The following CEP70 variants were observed in gnomAD, a reference collection of about 807,000 sequenced individuals.
CEP70 encodes centrosomal protein of 70 kDa.
Under a neutral mutation model 90.9 loss-of-function variants are expected in CEP70, and 70 were observed. The observed-to-expected ratio is 0.77, with a 90% CI of 0.64 to 0.94. The LOEUF (loss-of-function observed/expected upper bound fraction) is 0.94. Ranked by LOEUF, CEP70 falls within the 40% of genes least tolerant of loss-of-function variation. CEP70 has a pLI of 0.00. For missense variants in CEP70, 648 were observed against 669.0 expected (o/e 0.97, Z 0.35); for synonymous variants, 220 against 228.3 (o/e 0.96, Z 0.33).
intron 6 of CEP70, among the ~76,000 whole-genome samples, chr3:138,569,361 AC>A (rs2041008720): frequency 6.6e-6 from 1 of 152,206 alleles, no homozygotes; most frequent in African/African-American, 2.4e-5. Flanking sequence ...CAGCAAAACC[AC>A]TAAAATAAGG....
intron 6 of CEP70, among the ~76,000 whole-genome samples, chr3:138,548,121 G>T (rs2039354361): frequency 6.6e-6 from 1 of 152,080 alleles, no homozygotes; most frequent in Admixed American, 6.6e-5. Flanking sequence ...CAAAAATCCT[G>T]AACAAAATAT....
intron 10 of CEP70, 59 bp from the exon 11 acceptor site, chr3:138,525,623 C>G (rs943107450): frequency 2.6e-6 from 2 of 771,276 alleles, no homozygotes; most frequent in Non-Finnish European, 3.9e-6. Flanking sequence ...CATAAAGGTA[C>G]TTAAATATTA....
At chr3:138,510,475 G>A (rs943193649) in intron 11 of CEP70, among the ~76,000 whole-genome samples, 1 of 151,644 alleles carries the variant, frequency 6.6e-6, no homozygotes, top group African/African-American at 2.4e-5. Flanking sequence ...ATGGCATGGA[G>A]AGTTTTGAAT....
chr3:138,551,755 A>AT (rs2039635455), intron 6 of CEP70, among the ~76,000 whole-genome samples: 1 of 137,602 alleles, frequency 7.3e-6, no homozygotes, highest in Non-Finnish European at 1.6e-5. Flanking sequence ...TAAAAAAAAA[A>AT]AAATAAAATA....
rs1011089963 is a variant in CEP70, at chr3:138,530,679, T to C, written c.693-1217A>G. ...CTCCTCTGCTTCCTGTTTATCCTAC[T>C]TAGGCCTCCAAATCTTGGCCTGGCT... is the stretch of plus-strand genomic sequence containing the variant. On this transcript the variant is annotated intron_variant, in intron 8 of 17. Transcript: ENST00000264982. 7.1e-6 allele frequency: 7 copies of C among 985,292 alleles called. No homozygotes were observed. The East Asian group carries it at 6.8e-4, about 96-fold the overall frequency. The allele number at this position is 985,292 out of a possible 1,614,324, so 61.0% of individuals were successfully genotyped here. A position where few individuals can be genotyped will look rare whatever the true frequency, so the allele number is the denominator to read the frequency against.
At chr3:138,561,997 C>T (rs1237096433) in intron 6 of CEP70, among the ~76,000 whole-genome samples, 1 of 146,086 alleles carries the variant, frequency 6.8e-6, no homozygotes, top group African/African-American at 2.5e-5. Flanking sequence ...CACTCTGGCC[C>T]GGGCGACAAT....
chr3:138,525,842 A>G lies in CEP70; in HGVS notation c.870-278T>C, dbSNP rs116467036. 4.7e-3 allele frequency among the ~76,000 whole-genome samples: 722 copies of G among 152,318 alleles called. 4 individuals are homozygous for G. Among genetic ancestry groups the G allele is most frequent in the African/African-American group, 0.017 (695 of 41,568 alleles). On this transcript the variant is annotated intron_variant, in intron 10 of 17. Transcript: ENST00000264982. ...AAGTATACAGACAAAAACAGAGAACATTATAACAAATCCTGGTGTATCCAC... is the reference window on the plus strand; with the variant it reads ...AAGTATACAGACAAAAACAGAGAACGTTATAACAAATCCTGGTGTATCCAC...
chr3:138,497,184 G>T, intron 17 of CEP70: 1 of 1,191,202 alleles, frequency 8.4e-7, no homozygotes, highest in South Asian at 1.7e-5. Flanking sequence ...CATAAGACTG[G>T]TCACAAAACT....
chr3:138,498,248 C>A, intron 16 of CEP70, 138 bp from the exon 17 acceptor site: 1 of 574,628 alleles, frequency 1.7e-6, no homozygotes, highest in Non-Finnish European at 2.9e-6. Context: ...ACAGTCTTTT[C>A]TTTCTGAGCT....
At chr3:138,564,783 G>A (rs541373226) in intron 6 of CEP70, among the ~76,000 whole-genome samples, 42 of 152,188 alleles carry the variant, frequency 2.8e-4, no homozygotes, top group African/African-American at 9.2e-4. Context: ...TTGAAAACCA[G>A]CACAAAACAA....
At chr3:138,572,133 T>C (rs2041219746) in intron 3 of CEP70, among the ~76,000 whole-genome samples, 1 of 152,178 alleles carries the variant, frequency 6.6e-6, no homozygotes, top group South Asian at 2.1e-4. Context: ...CATACCTGAC[T>C]AGTTGGAGCC....
Position 138,572,909 on chromosome 3 carries a change from T to C in CEP70, c.19A>G (p.Lys7Glu). MFPVAP[K>E]PQDSSQPSDR... The stretch of plus-strand genomic sequence containing the variant: ...GATGGTTGACTGGAATCCTGGGGTT[T>C]AGGGGCTACCGGAAACATAGTTACT... The change falls in exon 3 of 18, where the codon AAA becomes GAA. Residue 7 changes from lysine to glutamate, a missense_variant. Transcript: ENST00000264982. The C allele has an allele frequency of 6.2e-7, 1 of 1,611,552 alleles. No homozygotes were observed. Among genetic ancestry groups the C allele is most frequent in the South Asian group, 1.1e-5 (1 of 90,522 alleles).
At chr3:138,523,140 T>G (rs1178586231) in intron 11 of CEP70, among the ~76,000 whole-genome samples, 1 of 151,536 alleles carries the variant, frequency 6.6e-6, no homozygotes, top group Admixed American at 6.5e-5. Flanking sequence ...ATTATCTCAA[T>G]AGATGCAGAA....
intron 12 of CEP70, among the ~76,000 whole-genome samples, chr3:138,506,801 G>T (rs908144088): frequency 2.0e-5 from 3 of 152,160 alleles, no homozygotes; most frequent in Admixed American, 6.5e-5. Context: ...GAGTGCAGTG[G>T]TGTGAACGGA....
chr3:138,496,950 AATGATGAGAAC>A, intron 17 of CEP70: 2 of 986,672 alleles, frequency 2.0e-6, no homozygotes, highest in Non-Finnish European at 2.4e-6. Context: ...AATATTTATG[AATGATGAGAAC>A]ATCACTGCTT....
intron 6 of CEP70, among the ~76,000 whole-genome samples, chr3:138,546,383 A>G (rs373178418): frequency 1.3e-5 from 2 of 152,230 alleles, no homozygotes; most frequent in African/African-American, 4.8e-5. Flanking sequence ...CATCAGCAAG[A>G]TATCACTTGC....
Position 138,571,321 on chromosome 3 carries a change from T to C in CEP70, c.105A>G (p.Leu35=), listed in dbSNP as rs201605997. Residue 35 remains leucine, a synonymous_variant, in exon 4 of 18, where the codon CTA becomes CTG. Coordinates refer to ENST00000264982, the MANE Select transcript of CEP70 (RefSeq NM_024491.4). The stretch of plus-strand genomic sequence containing the variant: ...AAGGTTTTAAGCCATGCATCATCAA[T>C]AGCACATTTATGCTTTCCCATTCTG... The part of the protein sequence containing the change: ...EEAEWESINV[L]LMMHGLKPLS... 6 of 1,611,324 alleles carry C rather than the reference T, an allele frequency of 3.7e-6. No homozygotes were observed. Among genetic ancestry groups the C allele is most frequent in the Admixed American group, 1.7e-5 (1 of 59,940 alleles).
At chr3:138,532,873 G>C (rs896286720) in intron 7 of CEP70, among the ~76,000 whole-genome samples, 1 of 152,176 alleles carries the variant, frequency 6.6e-6, no homozygotes, top group Non-Finnish European at 1.5e-5. Flanking sequence ...GTCAAAGGAT[G>C]CAACTCAATA....
chr3:138,505,188 A>C, intron 13 of CEP70, 107 bp downstream of exon 13: 1 of 889,200 alleles, frequency 1.1e-6, no homozygotes, highest in Admixed American at 3.2e-5. Context: ...ACACACAAAC[A>C]AAAAAATTAA....
Sources: gnomAD v4.1 joint callset for allele counts (sites outside exome capture counted in the v4.1 genomes callset) on GRCh38, gnomAD v4.1.1 for gene constraint, MANE v1.5 for transcripts, NCBI Gene and HGNC (gene_info 2026-07-23, HGNC 2026-07-21) for gene names.